DNAH1: variants seen among roughly 807,000 people sequenced by gnomAD.
DNAH1 encodes the protein axonemal beta dynein heavy chain 1.
DNAH1 carries 327 observed loss-of-function variants against 484.3 expected under a neutral mutation model. The observed-to-expected ratio is 0.68, with a 90% CI of 0.62 to 0.74. The LOEUF is 0.74. Ranked by LOEUF, DNAH1 falls within the 30% of genes least tolerant of loss-of-function variation. The pLI, the probability that DNAH1 is intolerant of heterozygous loss-of-function variation, is 0.00. For missense variants in DNAH1, 5,052 were observed against 5,546.8 expected, an observed-to-expected ratio of 0.91 and a Z score of 2.83; for synonymous variants, 2,192 against 2,191.9, an observed-to-expected ratio of 1.00 and a Z score of 0.00.
At position 52,392,614 on chromosome 3, in the gene DNAH1, C is replaced by T. The variant is rs1157439187; in HGVS notation, c.10203C>T (p.Ser3401=). 2.4e-5 allele frequency: 39 copies of T among 1,613,502 alleles called. No individual in the cohort carries two copies. The highest frequency in any genetic ancestry group is 1.6e-4 in the Middle Eastern group (1 of 6,082). The change falls in exon 64 of 78, where the codon TCC becomes TCT. Residue 3401 remains serine, a synonymous_variant. Coordinates refer to ENST00000420323, the MANE Select transcript of DNAH1 (RefSeq NM_015512.5). ...AGATCCTGTACCGGCTCAGCTCCTC[C>T]GAGGGCAACCCTGTAGATGACATGG... ...EDQILYRLSS[S]EGNPVDDMEL...
rs1195972003 is a variant in DNAH1, at chr3:52,365,012, T to TGTGGA, written c.5513_5517dup (p.Gly1840TrpfsTer5). ...CCTGCAGGAACAGCAACCTCAAGGATGTGGAGGGTGAGCCTCGGGCCCTGA... is the reference window on the plus strand; with the variant it reads ...CCTGCAGGAACAGCAACCTCAAGGATGTGGAGTGGAGGGTGAGCCTCGGGCCCTGA... On this transcript the variant is annotated frameshift_variant, in exon 34 of 78. Transcript: ENST00000420323. LOFTEE classifies it high-confidence loss of function. 1.2e-6 allele frequency: 2 copies of TGTGGA among 1,608,902 alleles called. No homozygotes were observed. Among genetic ancestry groups the TGTGGA allele is most frequent in the Admixed American group, 3.3e-5 (2 of 59,894 alleles).
chr3:52,349,935 G>T, intron 14 of DNAH1, 54 bp from the exon 15 acceptor site: 1 of 1,552,150 alleles, frequency 6.4e-7, no homozygotes, highest in East Asian at 2.4e-5. Flanking sequence ...GAGCAGGTGA[G>T]GGAAGGCAAG....
intron 60 of DNAH1, among the ~76,000 whole-genome samples, 156 bp downstream of exon 60, chr3:52,389,742 G>A (rs1446678007): frequency 1.3e-5 from 2 of 152,244 alleles, no homozygotes; most frequent in East Asian, 1.9e-4. Flanking sequence ...GGTGGTAGGA[G>A]GACAGGAGGA....
rs370590409 is a variant in DNAH1 at position 52,395,503 on chromosome 3, G to A, written c.11127+37G>A. On this transcript the variant is annotated intron_variant, in intron 69 of 77. Coordinates refer to ENST00000420323, the MANE Select transcript of DNAH1 (RefSeq NM_015512.5). The surrounding 1 kb of genome is among the most constrained non-coding windows in gnomAD (Gnocchi z 4.4). ...GCAGGGAGGAAGGGAGTGGGCTGGGGGGTGGGCAAGCTGGCCCCCTGCTCA... is the reference window on the plus strand; with the variant it reads ...GCAGGGAGGAAGGGAGTGGGCTGGGAGGTGGGCAAGCTGGCCCCCTGCTCA... 57 of 1,613,230 alleles carry A rather than the reference G, an allele frequency of 3.5e-5. No homozygotes were observed. In the South Asian group the frequency reaches 5.5e-4, roughly 16 times the overall value.
intron 8 of DNAH1, among the ~76,000 whole-genome samples, chr3:52,335,944 A>AT (rs1701729556): frequency 6.6e-6 from 1 of 152,062 alleles, no homozygotes; most frequent in African/African-American, 2.4e-5. Flanking sequence ...CCTTTTTCCC[A>AT]TTTTTTAAAT....
chr3:52,361,441 G>A lies in DNAH1; in HGVS notation c.4874+89G>A, dbSNP rs1702853084. 1.4e-6 allele frequency: 2 copies of A among 1,425,248 alleles called. No homozygotes were observed. Among genetic ancestry groups the A allele is most frequent in the Non-Finnish European group, 1.9e-6 (2 of 1,066,200 alleles). The allele number at this position is 1,425,248 out of a possible 1,614,324, so 88.3% of individuals were successfully genotyped here. ...CTAGGTGAGGGCAGTGCCTGAGAGG[G>A]GCCTCGAAGGATGGTGGAGGGGACA... On this transcript the variant is annotated intron_variant, in intron 29 of 77. Coordinates refer to ENST00000420323, the MANE Select transcript of DNAH1 (RefSeq NM_015512.5). This position sits in a 1 kb window ranked among gnomAD's most constrained non-coding sequence, Gnocchi z 5.6.
At position 52,326,837 on chromosome 3, in the gene DNAH1, C is replaced by G. The variant is rs1034081970; in HGVS notation, c.684C>G (p.Pro228=). Residue 228 remains proline (P), a synonymous_variant, in exon 5 of 78, where the codon CCC becomes CCG. Coordinates refer to ENST00000420323, the MANE Select transcript of DNAH1 (RefSeq NM_015512.5). The part of the protein sequence containing the change: ...LMPRHLDHQH[P]QTIEQGHDPI... The stretch of plus-strand genomic sequence containing the variant: ...CCAGGCACCTGGACCACCAGCACCC[C>G]CAAACCATCGAACAGGGCCATGACC... 2 of 1,613,652 alleles carry G rather than the reference C, an allele frequency of 1.2e-6. No homozygotes were observed. The highest frequency in any genetic ancestry group is 1.3e-5 in the African/African-American group (1 of 74,988).
At chr3:52,374,788 A>G (rs1017266064) in intron 44 of DNAH1, 15 of 1,048,622 alleles carry the variant, frequency 1.4e-5, no homozygotes, top group Non-Finnish European at 2.2e-5. Context: ...GACTGTACAC[A>G]ACAGTCCAAA....
intron 8 of DNAH1, among the ~76,000 whole-genome samples, chr3:52,335,637 GT>G (rs1701717319): frequency 1.4e-5 from 2 of 144,200 alleles, no homozygotes; most frequent in Admixed American, 1.4e-4. Flanking sequence ...TTTGTTTTTT[GT>G]TTTTTGTTGT....
rs905123847 is a variant in DNAH1, at chr3:52,355,321, G to T, written c.3693+266G>T. On this transcript the variant is annotated intron_variant, in intron 21 of 77. Coordinates refer to ENST00000420323, the MANE Select transcript of DNAH1 (RefSeq NM_015512.5). The surrounding 1 kb of genome is among the most constrained non-coding windows in gnomAD (Gnocchi z 4.5). The stretch of plus-strand genomic sequence containing the variant: ...CATTTGGGTCCCAAAATGTGGTTGA[G>T]GATAGGCCTGAGAACTGCCAGGCGG... Among the ~76,000 whole-genome samples, 1 of 152,224 alleles carries T rather than the reference G, an allele frequency of 6.6e-6. No homozygotes were observed. Among genetic ancestry groups the T allele is most frequent in the Non-Finnish European group, 1.5e-5 (1 of 68,030 alleles).
Position 52,379,815 on chromosome 3 carries a change from A to C in DNAH1, c.7378-90A>C, listed in dbSNP as rs563821533. On this transcript the variant is annotated intron_variant, in intron 47 of 77. Coordinates refer to ENST00000420323, the MANE Select transcript of DNAH1 (RefSeq NM_015512.5). This position sits in a 1 kb window ranked among gnomAD's most constrained non-coding sequence, Gnocchi z 4.4. ...CCAGGCTCCAGTCAGGGCCCCAGGA[A>C]CTGGGGCCCACCCTCCCTTGCCTGG... The C allele has an allele frequency of 4.9e-5, 57 of 1,161,720 alleles. No individual in the cohort carries two copies. In the African/African-American group the frequency reaches 6.5e-4, roughly 13 times the overall value. 72.0% of individuals were successfully genotyped at this position (1,161,720 alleles called of 1,614,324 possible). A position where few individuals can be genotyped will look rare whatever the true frequency, so the allele number is the denominator to read the frequency against.
intron 46 of DNAH1, among the ~76,000 whole-genome samples, chr3:52,376,599 T>C (rs1162319052): frequency 1.3e-5 from 2 of 152,140 alleles, no homozygotes; most frequent in Non-Finnish European, 2.9e-5. Flanking sequence ...GTGGCACCCC[T>C]CTTCCCCGCC....
intron 15 of DNAH1, 109 bp from the exon 16 acceptor site, chr3:52,350,397 ATT>A (rs751263784): frequency 2.8e-5 from 32 of 1,127,942 alleles, no homozygotes; most frequent in Non-Finnish European, 3.8e-5. Flanking sequence ...AGACCTCCCC[ATT>A]CTGAAAGAGA....
chr3:52,332,298 G>A lies in DNAH1; in HGVS notation c.1190G>A (p.Cys397Tyr). 1 of 1,614,064 alleles carries A rather than the reference G, an allele frequency of 6.2e-7. No homozygotes were observed. Among genetic ancestry groups the A allele is most frequent in the Non-Finnish European group, 8.5e-7 (1 of 1,179,908 alleles). ...ALLLYNLYVD[C>Y]MPSDGQHVIS... ...CTGCTCTACAACTTGTATGTGGACT[G>A]CATGCCCTCTGACGGCCAGCATGTC... The change falls in exon 8 of 78, where the codon TGC becomes TAC. Residue 397 changes from cysteine (C) to tyrosine (Y), a missense_variant. Cys to Tyr is a radical substitution (Grantham distance 194). Transcript: ENST00000420323.
At position 52,346,748 on chromosome 3, in the gene DNAH1, G is replaced by A. The variant is rs761716658; in HGVS notation, c.1933G>A (p.Asp645Asn). ...CACCGATGACATGGTCTGGGGTGAC[G>A]ACTTAATTAACAGCCCCTACAGGTG... ...NCTDDMVWGDDLINSPYRPRK... is the reference protein window; with the variant it reads ...NCTDDMVWGDNLINSPYRPRK... Residue 645 changes from aspartate (D) to asparagine (N), a missense_variant, in exon 11 of 78, where the codon GAC becomes AAC. Asp to Asn is a conservative substitution (Grantham distance 23). Transcript: ENST00000420323. 2.3e-5 allele frequency: 37 copies of A among 1,606,702 alleles called. No individual in the cohort carries two copies. The highest frequency in any genetic ancestry group is 1.7e-4 in the Middle Eastern group (1 of 6,056).
At chr3:52,314,930 A>C (rs536205845), upstream of DNAH1, among the ~76,000 whole-genome samples, 1 of 152,248 alleles carries the variant, frequency 6.6e-6, no homozygotes, top group Non-Finnish European at 1.5e-5. Flanking sequence ...TCAGTCCACC[A>C]GCCCCGGAGA....
rs775613373 is a variant in DNAH1, at chr3:52,384,914, C to T, written c.8451C>T (p.Leu2817=). The T allele has an allele frequency of 2.5e-6, 4 of 1,613,682 alleles. No individual in the cohort carries two copies. In the East Asian group the frequency reaches 6.7e-5, roughly 27 times the overall value. ...YLELLHIFSI[L]IGQKKLELKT... is the part of the protein sequence containing the mutation. ...AGCTGCTTCATATTTTCTCCATCCTCATCGGGCAGAAGAAACTGGAGCTGA... is the reference window on the plus strand; with the variant it reads ...AGCTGCTTCATATTTTCTCCATCCTTATCGGGCAGAAGAAACTGGAGCTGA... Residue 2817 remains leucine (L), a synonymous_variant, in exon 53 of 78, where the codon CTC becomes CTT. Coordinates refer to ENST00000420323, the MANE Select transcript of DNAH1 (RefSeq NM_015512.5).
At chr3:52,342,968 G>A (rs1272239688) in intron 8 of DNAH1, among the ~76,000 whole-genome samples, 1 of 152,200 alleles carries the variant, frequency 6.6e-6, no homozygotes, top group African/African-American at 2.4e-5. Context: ...TATAGCTGGG[G>A]AAGACGAGGG....
intron 17 of DNAH1, 54 bp from the exon 18 acceptor site, chr3:52,352,498 C>T: frequency 6.3e-7 from 1 of 1,578,114 alleles, no homozygotes; most frequent in Non-Finnish European, 8.6e-7. Context: ...ATGGGAAGGC[C>T]TGGACACAAG....
Sources: gnomAD v4.1 joint callset for allele counts (sites outside exome capture counted in the v4.1 genomes callset) on GRCh38, gnomAD v4.1.1 for gene constraint, Gnocchi (gnomAD v3.1) non-coding constraint, MANE v1.5 for transcripts, NCBI Gene and HGNC (gene_info 2026-07-23, HGNC 2026-07-21) for gene names.